LCORL: variants seen among roughly 807,000 people sequenced by gnomAD.
LCORL encodes ligand dependent nuclear receptor corepressor like.
A neutral mutation model predicts 141.8 loss-of-function variants in LCORL; 41 were observed. The ratio of observed to expected loss-of-function variants is 0.29; its 90% CI spans 0.23 to 0.38. The LOEUF is 0.38. Ranked by LOEUF, LCORL falls within the 10% of genes least tolerant of loss-of-function variation. The pLI, the probability that LCORL is intolerant of heterozygous loss-of-function variation, is 1.00. For synonymous variants in LCORL, 618 were observed against 694.1 expected (o/e 0.89, Z 1.72); for missense variants, 1,759 against 2,035.0 (o/e 0.86, Z 2.61).
chr4:17,890,405 G>A (rs1036719196), intron 5 of LCORL, among the ~76,000 whole-genome samples: 17 of 152,000 alleles, frequency 1.1e-4, no homozygotes, highest in African/African-American at 3.1e-4. Flanking sequence ...TTGCTTCCAA[G>A]GGTAAACAAA....
chr4:18,005,484 C>T (rs1365564591), intron 1 of LCORL, among the ~76,000 whole-genome samples: 1 of 152,202 alleles, frequency 6.6e-6, no homozygotes, highest in Non-Finnish European at 1.5e-5. Flanking sequence ...AGTGTCCCAG[C>T]AGGGACTCTG....
intron 5 of LCORL, among the ~76,000 whole-genome samples, chr4:17,898,180 G>T (rs1029394814): frequency 6.6e-6 from 1 of 151,908 alleles, no homozygotes; most frequent in Non-Finnish European, 1.5e-5. Flanking sequence ...AAGGTTTAAG[G>T]GTTCCTTAAA....
rs560065228 is a variant in LCORL at position 17,939,273 on chromosome 4, A to G, written c.430+22630T>C. On this transcript the variant is annotated intron_variant, in intron 4 of 7. Transcript: ENST00000635767. ...GAACAGCTAGTAACGGAATGATAAC[A>G]TCAATTGCTCAAAGGCATGTGGAGC... is the stretch of plus-strand genomic sequence containing the variant. 8.5e-5 allele frequency among the ~76,000 whole-genome samples: 13 copies of G among 152,344 alleles called. No homozygotes were observed. The East Asian group carries it at 2.5e-3, about 29-fold the overall frequency.
exon 8 of LCORL, chr4:17,845,427 T>C (rs1276251769): frequency 2.2e-5 from 5 of 230,772 alleles, no homozygotes; most frequent in Non-Finnish European, 4.3e-5. Flanking sequence ...TATTAAAACT[T>C]TGTGCACAGA....
Position 17,874,791 on chromosome 4 carries a change from A to T in LCORL, c.4199T>A (p.Leu1400Ter). 8.1e-7 allele frequency: 1 copy of T among 1,233,832 alleles called. No individual in the cohort carries two copies. Among genetic ancestry groups the T allele is most frequent in the Non-Finnish European group, 1.0e-6 (1 of 987,808 alleles). 76.4% of individuals were successfully genotyped at this position (1,233,832 alleles called of 1,614,324 possible). Residue 1400 changes from leucine (L) to a stop codon, truncating the protein, a stop_gained, in exon 7 of 8, where the codon TTG becomes TAG. Transcript: ENST00000635767. LOFTEE classifies it high-confidence loss of function. ...AATAGGTACTAATTTATTATCTTCC[A>T]AACACTTTTTTGCATTCCGCGAAAG...
intron 1 of LCORL, among the ~76,000 whole-genome samples, chr4:17,973,995 A>C (rs1338497533): frequency 6.6e-6 from 1 of 152,090 alleles, no homozygotes; most frequent in African/African-American, 2.4e-5. Flanking sequence ...AAATGACAGT[A>C]CTAGTTCCCA....
Position 18,021,663 on chromosome 4 carries a change from G to C in LCORL, c.89C>G (p.Ala30Gly). The C allele has an allele frequency of 2.6e-6, 4 of 1,545,674 alleles. No individual in the cohort carries two copies. Among genetic ancestry groups the C allele is most frequent in the Non-Finnish European group, 3.5e-6 (4 of 1,144,948 alleles). ...CCGCCGGAATCCTCTTCTCTCCGCC[G>C]CGCACCGAGGGCTCCGGCACTGAGC... Residue 30 changes from alanine to glycine, a missense_variant, in exon 1 of 8, where the codon GCG becomes GGG. Physicochemically the swap from Ala to Gly is moderately conservative, Grantham distance 60. Coordinates refer to ENST00000635767, the Ensembl canonical transcript of LCORL. This position sits in a 1 kb window ranked among gnomAD's most constrained non-coding sequence, Gnocchi z 5.5.
At chr4:18,006,604 T>C (rs1722855230) in intron 1 of LCORL, among the ~76,000 whole-genome samples, 2 of 152,136 alleles carry the variant, frequency 1.3e-5, no homozygotes, top group Non-Finnish European at 1.5e-5. Context: ...ACAGTCATAG[T>C]GGAAAGTGAA....
intron 7 of LCORL, among the ~76,000 whole-genome samples, chr4:17,867,627 C>T (rs1725834040): frequency 6.6e-6 from 1 of 152,194 alleles, no homozygotes; most frequent in Non-Finnish European, 1.5e-5. Flanking sequence ...CTTGAAATAT[C>T]TTCTAGATAA....
exon 8 of LCORL, chr4:17,843,421 G>C: frequency 6.2e-7 from 1 of 1,611,004 alleles, no homozygotes; most frequent in Non-Finnish European, 8.5e-7. Context: ...GAAGATCTAA[G>C]TTAGGAAAGA....
At chr4:17,892,096 A>G in intron 5 of LCORL, among the ~76,000 whole-genome samples, 1 of 152,114 alleles carries the variant, frequency 6.6e-6, no homozygotes. Flanking sequence ...CTGTTTAACT[A>G]TGGCGTTTCA....
rs563108921 is a variant in LCORL at position 18,002,966 on chromosome 4, A to ATT, written c.154+18631_154+18632insAA. Among the ~76,000 whole-genome samples the ATT allele has an allele frequency of 2.6e-5, 4 of 152,314 alleles. No individual in the cohort carries two copies. In the East Asian group the frequency reaches 7.7e-4, roughly 29 times the overall value. On this transcript the variant is annotated intron_variant, in intron 1 of 7. Transcript: ENST00000635767. ...TCCCACTGCTTAAAAACAAACTTAA[A>ATT]TATCAATTTAATCCCAATTAGCAAC...
chr4:17,910,335 T>C (rs948338653), intron 4 of LCORL, among the ~76,000 whole-genome samples: 4 of 152,194 alleles, frequency 2.6e-5, no homozygotes, highest in African/African-American at 7.2e-5. Flanking sequence ...CCCCTTTAGA[T>C]GTAAGGTGAT....
chr4:17,898,124 A>G (rs951524852), intron 5 of LCORL, among the ~76,000 whole-genome samples: 1 of 152,208 alleles, frequency 6.6e-6, no homozygotes, highest in African/African-American at 2.4e-5. Flanking sequence ...TTTGTTCTAC[A>G]GACTCAAAAA....
At chr4:17,877,881 C>T in exon 7 of LCORL, 1 of 1,230,706 alleles carries the variant, frequency 8.1e-7, no homozygotes, top group Non-Finnish European at 1.0e-6. Flanking sequence ...GCAAGATAAA[C>T]AATGTAAATC....
At chr4:17,887,629 A>G (rs562774173) in intron 5 of LCORL, among the ~76,000 whole-genome samples, 27 of 152,320 alleles carry the variant, frequency 1.8e-4, no homozygotes, top group Non-Finnish European at 2.6e-4. Context: ...CAGAAATGTT[A>G]TAGGAAGAGG....
intron 1 of LCORL, among the ~76,000 whole-genome samples, chr4:18,020,201 C>T (rs913465050): frequency 1.3e-5 from 2 of 152,112 alleles, no homozygotes; most frequent in Non-Finnish European, 2.9e-5. Flanking sequence ...TAACCTAATA[C>T]GATCTCTTCT....
chr4:17,877,709 G>C, exon 7 of LCORL: 1 of 1,230,508 alleles, frequency 8.1e-7, no homozygotes, highest in Non-Finnish European at 1.0e-6. Flanking sequence ...CTTTAAGAGT[G>C]ACTGAAAGAT....
intron 1 of LCORL, among the ~76,000 whole-genome samples, chr4:18,013,817 A>ATT (rs35615219): frequency 8.3e-4 from 122 of 147,780 alleles, no homozygotes; most frequent in Admixed American, 1.3e-3. Flanking sequence ...TTGCAGTTGA[A>ATT]TTTTTTTTTT....
Sources: gnomAD v4.1 joint callset for allele counts (sites outside exome capture counted in the v4.1 genomes callset) on GRCh38, gnomAD v4.1.1 for gene constraint, Gnocchi (gnomAD v3.1) non-coding constraint, MANE v1.5 for transcripts, NCBI Gene and HGNC (gene_info 2026-07-23, HGNC 2026-07-21) for gene names.